CUL3: variants seen among roughly 807,000 people sequenced by gnomAD.
CUL3 encodes cullin-3.
A neutral mutation model predicts 89.1 loss-of-function variants in CUL3; 19 were observed. The observed-to-expected ratio is 0.21, with a 90% CI of 0.15 to 0.31. The LOEUF (loss-of-function observed/expected upper bound fraction) is 0.31, where lower values mean the gene tolerates loss of function less well. Among genes scored for constraint, CUL3 ranks in the 10% least tolerant of loss-of-function variants. The probability of loss-of-function intolerance (pLI) is 1.00; values close to 1 mark genes in which losing one functional copy is unlikely to be tolerated. For missense variants in CUL3, 469 were observed against 942.3 expected (o/e 0.50, Z 6.58); for synonymous variants, 351 against 308.4 (o/e 1.14, Z -1.45).
intron 8 of CUL3, 61 bp from the exon 9 acceptor site, chr2:224,503,883 G>T (rs775143915): frequency 4.4e-5 from 55 of 1,250,950 alleles, no homozygotes; most frequent in Non-Finnish European, 5.8e-5. Flanking sequence ...CAGTACTACG[G>T]TTCATTTACA....
chr2:224,506,092 A>C lies in CUL3; in HGVS notation c.1070T>G (p.Leu357Arg), dbSNP rs754587052. 2 of 1,608,900 alleles carry C rather than the reference A, an allele frequency of 1.2e-6. No homozygotes were observed. Among genetic ancestry groups the C allele is most frequent in the Admixed American group, 3.4e-5 (2 of 59,636 alleles). The change falls in exon 8 of 16, where the codon CTG becomes CGG. Residue 357 changes from leucine to arginine, a missense_variant. By Grantham distance (102) the Leu-to-Arg change is moderately radical. Around this residue, in one of 4 missense-constraint regions of CUL3, gnomAD observed 370 missense variants for 733.2 expected, o/e 0.50. Transcript: ENST00000264414. ...GAGACGGTCATTGTTGAATGATTCCAGGAGGAAGCGATCGAACCTACTCTT... is the reference window on the plus strand; with the variant it reads ...GAGACGGTCATTGTTGAATGATTCCCGGAGGAAGCGATCGAACCTACTCTT... Reference protein sequence around the residue: ...DLKSRFDRFLLESFNNDRLFK... With the variant: ...DLKSRFDRFLRESFNNDRLFK...
intron 13 of CUL3, among the ~76,000 whole-genome samples, chr2:224,494,469 TTACTC>T (rs1692093985): frequency 6.6e-6 from 1 of 152,024 alleles, no homozygotes; most frequent in African/African-American, 2.4e-5. Flanking sequence ...ATAAAATTAG[TTACTC>T]TAATGAAAAA....
At chr2:224,495,416 A>G (rs1692136276) in intron 13 of CUL3, 1 of 153,694 alleles carries the variant, frequency 6.5e-6, no homozygotes, top group South Asian at 2.0e-4. Context: ...GAAAGTCTAA[A>G]AAAAAACAAA....
intron 3 of CUL3, among the ~76,000 whole-genome samples, chr2:224,528,353 C>G (rs1338969710): frequency 6.6e-6 from 1 of 152,146 alleles, no homozygotes; most frequent in African/African-American, 2.4e-5. Context: ...CGCCTTTTTT[C>G]TCTGACTGAC....
rs745806642 is a variant in CUL3 at position 224,513,681 on chromosome 2, T to C, written c.540-43A>G. ...TATCACTTGATAATTAAATTACATT[T>C]AAAAATTCACATAAAAATTACAAAA... On this transcript the variant is annotated intron_variant, in intron 4 of 15. Transcript: ENST00000264414. 8.3e-6 allele frequency: 11 copies of C among 1,330,422 alleles called. No homozygotes were observed. The South Asian group carries it at 1.4e-4, about 18-fold the overall frequency. The allele number at this position is 1,330,422 out of a possible 1,614,324, so 82.4% of individuals were successfully genotyped here. A position where few individuals can be genotyped will look rare whatever the true frequency, so the allele number is the denominator to read the frequency against.
chr2:224,534,399 T>G (rs1693806629), intron 3 of CUL3, among the ~76,000 whole-genome samples: 1 of 152,218 alleles, frequency 6.6e-6, no homozygotes, highest in Admixed American at 6.5e-5. Context: ...AATAATATAC[T>G]ATTAAGAAAA....
chr2:224,506,101 C>T lies in CUL3; in HGVS notation c.1061G>A (p.Arg354His), dbSNP rs983814335. Residue 354 changes from arginine (R) to histidine (H), a missense_variant, in exon 8 of 16, where the codon CGC becomes CAC. Around this residue, in one of 4 missense-constraint regions of CUL3, gnomAD observed 370 missense variants for 733.2 expected, o/e 0.50. Transcript: ENST00000264414. Reference sequence around the variant, plus strand: ...ATTGTTGAATGATTCCAGGAGGAAGCGATCGAACCTACTCTTCAGATCCAA... The same window carrying T: ...ATTGTTGAATGATTCCAGGAGGAAGTGATCGAACCTACTCTTCAGATCCAA... ...GLLDLKSRFD[R>H]FLLESFNNDR... is the part of the protein sequence containing the mutation. 22 of 1,604,308 alleles carry T rather than the reference C, an allele frequency of 1.4e-5. No homozygotes were observed. Among genetic ancestry groups the T allele is most frequent in the Non-Finnish European group, 1.7e-5 (20 of 1,175,032 alleles).
At chr2:224,499,526 T>C (rs779778932) in intron 11 of CUL3, 2 of 230,464 alleles carry the variant, frequency 8.7e-6, no homozygotes, top group South Asian at 8.1e-5. Flanking sequence ...CAGTAGATGT[T>C]CTAGAGTAGC....
Position 224,474,116 on chromosome 2 carries a change from T to G in CUL3, c.*129A>C. 2.1e-6 allele frequency: 2 copies of G among 934,190 alleles called. No individual in the cohort carries two copies. The highest frequency in any genetic ancestry group is 2.6e-5 in the East Asian group (1 of 38,482). The allele number at this position is 934,190 out of a possible 1,614,324, so 57.9% of individuals were successfully genotyped here. On this transcript the variant is annotated 3_prime_UTR_variant, in exon 16 of 16. Coordinates refer to ENST00000264414, the MANE Select transcript of CUL3 (RefSeq NM_003590.5). ...TCTCAAAGGGAGTAAAGGCTTGATC[T>G]CAATGGTCTAGAACATGTACTGTAA...
At chr2:224,577,033 A>G (rs1335653649) in intron 1 of CUL3, among the ~76,000 whole-genome samples, 2 of 152,222 alleles carry the variant, frequency 1.3e-5, no homozygotes, top group Non-Finnish European at 2.9e-5. Context: ...GTACAATAAA[A>G]TGACAGGATC....
At chr2:224,554,683 C>A (rs1306151953) in intron 2 of CUL3, among the ~76,000 whole-genome samples, 1 of 152,158 alleles carries the variant, frequency 6.6e-6, no homozygotes, top group Non-Finnish European at 1.5e-5. Flanking sequence ...CATGTAAAAG[C>A]ACTAGAACTG....
At chr2:224,488,658 T>C (rs1691834204) in intron 13 of CUL3, among the ~76,000 whole-genome samples, 1 of 152,142 alleles carries the variant, frequency 6.6e-6, no homozygotes. Flanking sequence ...ATCAGACGGA[T>C]TCACAGTCGA....
In CUL3 at chr2:224,513,616, G is replaced by T; in HGVS notation, c.562C>A (p.Gln188Lys). ...VDRGAIRNAC[Q>K]MLMILGLEGR... is the part of the protein sequence containing the mutation. Reference sequence around the variant, plus strand: ...TCGAGACCTAAAATCATTAACATCTGGCAAGCATTTCTTATTGCGCCTCTG... The same window carrying T: ...TCGAGACCTAAAATCATTAACATCTTGCAAGCATTTCTTATTGCGCCTCTG... Residue 188 changes from glutamine (Q) to lysine (K), a missense_variant, in exon 5 of 16, where the codon CAG becomes AAG. This residue lies in a region of CUL3 where 370 missense variants were observed against 733.2 expected (regional missense o/e 0.50). Transcript: ENST00000264414. 6.3e-7 allele frequency: 1 copy of T among 1,594,974 alleles called. No homozygotes were observed.
At chr2:224,522,488 G>C (rs1481403316) in intron 3 of CUL3, among the ~76,000 whole-genome samples, 2 of 152,150 alleles carry the variant, frequency 1.3e-5, no homozygotes, top group African/African-American at 4.8e-5. Context: ...ATTTGGTAGA[G>C]AAGCATATGA....
In CUL3 at chr2:224,573,260, T is replaced by C. The variant is rs534116604; in HGVS notation, c.66+11684A>G. The stretch of plus-strand genomic sequence containing the variant: ...CTTCAAGGAATCACTTTTTGCTAAG[T>C]ATATACTTAAATTTCTATTAACCAA... On this transcript the variant is annotated intron_variant, in intron 1 of 15. Transcript: ENST00000264414. Among the ~76,000 whole-genome samples, 45 of 152,322 alleles carry C rather than the reference T, an allele frequency of 3.0e-4. 1 individual carries two copies. Among genetic ancestry groups the C allele is most frequent in the Admixed American group, 3.9e-4 (6 of 15,306 alleles).
intron 3 of CUL3, among the ~76,000 whole-genome samples, chr2:224,527,570 C>T (rs1409077468): frequency 6.6e-6 from 1 of 152,150 alleles, no homozygotes; most frequent in Non-Finnish European, 1.5e-5. Context: ...CTTAAAGATG[C>T]CTAAATTTTA....
At chr2:224,476,009 GTATT>G (rs1025576750) in intron 15 of CUL3, among the ~76,000 whole-genome samples, 27 of 150,664 alleles carry the variant, frequency 1.8e-4, no homozygotes, top group South Asian at 2.1e-4. Context: ...ACAGTCACAT[GTATT>G]TATTTATTTT....
rs768336391 is a variant in CUL3 at position 224,503,613 on chromosome 2, C to G, written c.1377+39G>C. ...GTCAGTACACAATCATAATAAACCT[C>G]AGTTAGGTGCACTCTATTTCATCTA... On this transcript the variant is annotated intron_variant, in intron 9 of 15. Transcript: ENST00000264414. 10 of 1,476,996 alleles carry G rather than the reference C, an allele frequency of 6.8e-6. No individual in the cohort carries two copies. The African/African-American group carries it at 1.4e-4, about 21-fold the overall frequency. The allele number at this position is 1,476,996 out of a possible 1,614,324, so 91.5% of individuals were successfully genotyped here. A position where few individuals can be genotyped will look rare whatever the true frequency, so the allele number is the denominator to read the frequency against.
intron 3 of CUL3, among the ~76,000 whole-genome samples, chr2:224,532,068 A>G (rs1693715370): frequency 6.6e-6 from 1 of 152,244 alleles, no homozygotes; most frequent in Admixed American, 6.5e-5. Flanking sequence ...GTGATTATCA[A>G]CTGAATGATA....
Sources: allele counts gnomAD v4.1 joint callset (sites outside exome capture counted in the v4.1 genomes callset), GRCh38; gene constraint gnomAD v4.1.1; regional missense constraint gnomAD v4.1.1; transcripts MANE v1.5; gene names NCBI Gene and HGNC (gene_info 2026-07-23, HGNC 2026-07-21).